RAB20: variants seen among roughly 807,000 people sequenced by gnomAD.
The protein encoded by RAB20 is RAB20, member RAS oncogene family.
Under a neutral mutation model 3.7 loss-of-function variants are expected in RAB20, and 2 were observed. The ratio of observed to expected loss-of-function variants is 0.54; its 90% CI spans 0.22 to 1.69. The LOEUF (loss-of-function observed/expected upper bound fraction) is 1.69, where lower values mean the gene tolerates loss of function less well. RAB20 is among the 40% of genes most tolerant of loss of function. RAB20 has a pLI of 0.19. For missense variants in RAB20, 276 were observed against 311.9 expected (o/e 0.88, Z 0.87); for synonymous variants, 126 against 130.8 (o/e 0.96, Z 0.25).
chr13:110,558,754 A>G (rs1287766890), intron 1 of RAB20, among the ~76,000 whole-genome samples: 1 of 128,624 alleles, frequency 7.8e-6, no homozygotes, highest in African/African-American at 3.0e-5. Context: ...GTTGGAGTGC[A>G]GTGGCACAAT....
intron 1 of RAB20, among the ~76,000 whole-genome samples, chr13:110,529,790 C>T (rs1884497844): frequency 6.6e-6 from 1 of 152,106 alleles, no homozygotes; most frequent in South Asian, 2.1e-4. Flanking sequence ...TGGGCTGTCT[C>T]CAGGCCAAGC....
rs1181215159 is a variant in RAB20 at position 110,561,380 on chromosome 13, C to G, written c.140G>C (p.Arg47Pro). ...GTCCCAGATGGAGATGTTGTAGGAG[C>G]GCCACTGCTTCAGGTAGAAGGCGCC... ...VGGAFYLKQW[R>P]SYNISIWDTA... The change falls in exon 1 of 2, where the codon CGC becomes CCC. Residue 47 changes from arginine to proline, a missense_variant. Arg to Pro is a moderately radical substitution (Grantham distance 103). Transcript: ENST00000267328. 6.2e-7 allele frequency: 1 copy of G among 1,608,824 alleles called. No individual in the cohort carries two copies. Among genetic ancestry groups the G allele is most frequent in the Non-Finnish European group, 8.5e-7 (1 of 1,177,776 alleles).
chr13:110,537,469 CG>C (rs751463181), intron 1 of RAB20, among the ~76,000 whole-genome samples: 11 of 151,852 alleles, frequency 7.2e-5, no homozygotes, highest in Non-Finnish European at 1.3e-4. Flanking sequence ...CAAAGAAAAA[CG>C]AATGATTTGT....
Position 110,551,918 on chromosome 13 carries a change from CA to C in RAB20, c.172+9429del, listed in dbSNP as rs3074410. 8.8e-3 allele frequency among the ~76,000 whole-genome samples: 891 copies of C among 100,956 alleles called. 10 individuals carry two copies. The highest frequency in any genetic ancestry group is 0.023 in the African/African-American group (752 of 32,420). 66.2% of individuals were successfully genotyped at this position (100,956 alleles called of 152,430 possible). ...CAACATACTGAGACCCCTGTCTCTA[CA>C]AAAAAAAAAAAAAAATACAAAAATT... is the stretch of plus-strand genomic sequence containing the variant. On this transcript the variant is annotated intron_variant, in intron 1 of 1. Coordinates refer to ENST00000267328, the MANE Select transcript of RAB20 (RefSeq NM_017817.3).
chr13:110,542,671 TA>T (rs1884784799), intron 1 of RAB20, among the ~76,000 whole-genome samples: 1 of 152,214 alleles, frequency 6.6e-6, no homozygotes, highest in Non-Finnish European at 1.5e-5. Context: ...CAAGCTTGGA[TA>T]ATACTCCACG....
intron 1 of RAB20, among the ~76,000 whole-genome samples, chr13:110,556,105 T>A (rs369220879): frequency 6.6e-6 from 1 of 152,204 alleles, no homozygotes; most frequent in South Asian, 2.1e-4. Context: ...AGGAGCCTGA[T>A]GCAAAAGGAG....
At chr13:110,551,586 G>T (rs1031377672) in intron 1 of RAB20, among the ~76,000 whole-genome samples, 1 of 152,188 alleles carries the variant, frequency 6.6e-6, no homozygotes, top group Non-Finnish European at 1.5e-5. Context: ...AACGAAGCTG[G>T]AACCTGCCTG....
Position 110,524,180 on chromosome 13 carries a change from C to T in RAB20, c.190G>A (p.Gly64Ser), listed in dbSNP as rs374317935. Residue 64 changes from glycine (G) to serine (S), a missense_variant, in exon 2 of 2, where the codon GGC (glycine) becomes AGC (serine). By Grantham distance (56) the Gly-to-Ser change is moderately conservative (BLOSUM62 0). Transcript: ENST00000267328. ...CCCCGGCAGTACATGGAGCCCAGGC[C>T]GTGGAACTGCTCCCGCCCTGGTGGG... ...WDTAGREQFH[G>S]LGSMYCRGAA... 11 of 1,595,458 alleles carry T rather than the reference C, an allele frequency of 6.9e-6. No homozygotes were observed. Among genetic ancestry groups the T allele is most frequent in the African/African-American group, 6.7e-5 (5 of 74,830 alleles).
intron 1 of RAB20, among the ~76,000 whole-genome samples, chr13:110,537,653 A>T (rs1461555601): frequency 6.6e-6 from 1 of 151,790 alleles, no homozygotes; most frequent in Non-Finnish European, 1.5e-5. Flanking sequence ...CCAGGCGCTG[A>T]CTTGGGATGT....
intron 1 of RAB20, among the ~76,000 whole-genome samples, chr13:110,541,806 G>C (rs1884767007): frequency 8.7e-6 from 1 of 114,366 alleles, no homozygotes; most frequent in Admixed American, 1.0e-4. Context: ...GTGCCAGGCG[G>C]AGTGTCCAGC....
intron 1 of RAB20, among the ~76,000 whole-genome samples, chr13:110,549,883 G>A (rs755770457): frequency 5.3e-5 from 8 of 151,984 alleles, no homozygotes; most frequent in East Asian, 1.9e-4. Flanking sequence ...GCCACCAAGC[G>A]CAGCTAATTT....
chr13:110,535,790 A>G (rs1884629441), intron 1 of RAB20, among the ~76,000 whole-genome samples: 1 of 152,232 alleles, frequency 6.6e-6, no homozygotes, highest in African/African-American at 2.4e-5. Flanking sequence ...CAGTACCCAA[A>G]GCTCCGGCCG....
intron 1 of RAB20, among the ~76,000 whole-genome samples, chr13:110,548,440 C>T (rs1291930264): frequency 6.6e-6 from 1 of 152,018 alleles, no homozygotes; most frequent in Non-Finnish European, 1.5e-5. Flanking sequence ...GCCGAGATCA[C>T]ACCACTGTAC....
In RAB20 at chr13:110,555,701, C is replaced by T. The variant is rs1230457292; in HGVS notation, c.172+5647G>A. On this transcript the variant is annotated intron_variant, in intron 1 of 1. Transcript: ENST00000267328. The surrounding 1 kb of genome is among the most constrained non-coding windows in gnomAD (Gnocchi z 4.0). ...GCGGGTGAAACCAGTCATCAGCCGG[C>T]CCCCTGCTCGACTCCAAACAGCAAA... is the stretch of plus-strand genomic sequence containing the variant. 6.6e-6 allele frequency among the ~76,000 whole-genome samples: 1 copy of T among 152,218 alleles called. No individual in the cohort carries two copies. The highest frequency in any genetic ancestry group is 2.1e-4 in the South Asian group (1 of 4,836).
chr13:110,531,768 C>T (rs972592204), intron 1 of RAB20, among the ~76,000 whole-genome samples: 4 of 152,186 alleles, frequency 2.6e-5, no homozygotes, highest in African/African-American at 9.7e-5. Context: ...CGACTGGGCG[C>T]TTTTGCAGTG....
intron 1 of RAB20, among the ~76,000 whole-genome samples, chr13:110,538,648 T>TA (rs1884698555): frequency 8.5e-6 from 1 of 117,166 alleles, no homozygotes; most frequent in Non-Finnish European, 1.9e-5. Context: ...GAAAAAGAAA[T>TA]AAAGAAAGGC....
intron 1 of RAB20, among the ~76,000 whole-genome samples, chr13:110,553,876 G>A (rs1403271013): frequency 6.6e-6 from 1 of 152,250 alleles, no homozygotes; most frequent in African/African-American, 2.4e-5. Context: ...AGCACTTTGG[G>A]AGGCCAAGGT....
chr13:110,524,596 G>A (rs1480985782), intron 1 of RAB20, among the ~76,000 whole-genome samples: 1 of 152,216 alleles, frequency 6.6e-6, no homozygotes, highest in African/African-American at 2.4e-5. Context: ...TGCTGAGATA[G>A]AAGCTGACTC....
intron 1 of RAB20, among the ~76,000 whole-genome samples, chr13:110,526,722 A>G (rs1374223849): frequency 6.6e-6 from 1 of 152,218 alleles, no homozygotes; most frequent in Non-Finnish European, 1.5e-5. Context: ...AGGGGCACTC[A>G]TCACCAACAG....
Sources: gnomAD v4.1 joint callset for allele counts (sites outside exome capture counted in the v4.1 genomes callset) on GRCh38, gnomAD v4.1.1 for gene constraint, Gnocchi (gnomAD v3.1) non-coding constraint, MANE v1.5 for transcripts, NCBI Gene and HGNC (gene_info 2026-07-23, HGNC 2026-07-21) for gene names.